CST8: variants seen among roughly 807,000 people sequenced by gnomAD.
CST8 encodes the protein cystatin-8.
A neutral mutation model predicts 11.8 loss-of-function variants in CST8; 20 were observed. That is an observed-to-expected ratio of 1.70 (90% CI 1.20 to 2.47). CST8 has a LOEUF of 2.47. CST8 is among the 30% of genes most tolerant of loss of function. The pLI is 0.00. For missense variants in CST8, 196 were observed against 167.2 expected, an observed-to-expected ratio of 1.17 and a Z score of -0.95; for synonymous variants, 77 against 63.1, an observed-to-expected ratio of 1.22 and a Z score of -1.05.
At chr20:23,494,763 G>A (rs1412514879) in intron 3 of CST8, among the ~76,000 whole-genome samples, 1 of 152,142 alleles carries the variant, frequency 6.6e-6, no homozygotes, top group African/African-American at 2.4e-5. Context: ...GATATGTTAG[G>A]CCCTAGAATT....
At chr20:23,500,801 TG>T (rs1167357347), downstream of CST8, among the ~76,000 whole-genome samples, 1 of 146,560 alleles carries the variant, frequency 6.8e-6, no homozygotes, top group African/African-American at 2.5e-5. Flanking sequence ...GGGTGGGCTC[TG>T]GGGGACTCAC....
chr20:23,506,890 C>T, the CST8 span, among the ~76,000 whole-genome samples: 1 of 152,152 alleles, frequency 6.6e-6, no homozygotes, highest in African/African-American at 2.4e-5. Flanking sequence ...CCTCCCCCTG[C>T]CCCGATGTGA....
At chr20:23,492,804 C>A (rs1987927959) in intron 2 of CST8, among the ~76,000 whole-genome samples, 154 bp from the exon 3 acceptor site, 1 of 151,900 alleles carries the variant, frequency 6.6e-6, no homozygotes, top group African/African-American at 2.4e-5. Flanking sequence ...GGGCTCCAGG[C>A]AGTGGGCATC....
chr20:23,501,796 T>C, the CST8 span, among the ~76,000 whole-genome samples: 1 of 152,214 alleles, frequency 6.6e-6, no homozygotes, highest in Non-Finnish European at 1.5e-5. Context: ...AAAATGAACA[T>C]CATGTCCCTG....
chr20:23,500,517 G>A (rs1224359454), downstream of CST8, among the ~76,000 whole-genome samples: 2 of 152,174 alleles, frequency 1.3e-5, no homozygotes, highest in African/African-American at 4.8e-5. Context: ...GGTGGAATGG[G>A]AGGCAAGAGG....
At chr20:23,500,750 G>A (rs1865524354), downstream of CST8, among the ~76,000 whole-genome samples, 1 of 151,150 alleles carries the variant, frequency 6.6e-6, no homozygotes, top group East Asian at 2.0e-4. Context: ...TCTGTGTGGT[G>A]GGGTGGCTGG....
chr20:23,504,392 T>C, the CST8 span, among the ~76,000 whole-genome samples: 2 of 152,170 alleles, frequency 1.3e-5, no homozygotes, highest in Admixed American at 1.3e-4. Flanking sequence ...TTTAAAAGCC[T>C]GCTTGTAGCA....
the CST8 span, among the ~76,000 whole-genome samples, chr20:23,504,121 A>C: frequency 6.6e-6 from 1 of 152,250 alleles, no homozygotes; most frequent in Non-Finnish European, 1.5e-5. Flanking sequence ...CCAGAGGGGC[A>C]TTGAAATGTG....
At position 23,491,800 on chromosome 20, in the gene CST8, G is replaced by A. The variant is rs535770374; in HGVS notation, c.133G>A (p.Val45Met). 36 of 1,614,178 alleles carry A rather than the reference G, an allele frequency of 2.2e-5. No homozygotes were observed. The highest frequency in any genetic ancestry group is 2.6e-5 in the Non-Finnish European group (31 of 1,180,014). Residue 45 changes from valine to methionine, a missense_variant, in exon 2 of 4, where the codon GTG becomes ATG. Coordinates refer to ENST00000246012, the MANE Select transcript of CST8 (RefSeq NM_005492.4). ...ACCCGTCAATGCCTCAAATGCCAAC[G>A]TGAAGCAGTGTCTGTGGTTTGCCAT... ...LKPVNASNAN[V>M]KQCLWFAMQE... is the part of the protein sequence containing the mutation.
At chr20:23,492,923 C>A in intron 2 of CST8, 35 bp from the exon 3 acceptor site, 1 of 1,198,182 alleles carries the variant, frequency 8.3e-7, no homozygotes, top group Non-Finnish European at 1.2e-6. Context: ...AAGTACAACT[C>A]TTTTGAATAA....
chr20:23,506,071 G>C, the CST8 span, among the ~76,000 whole-genome samples: 1 of 151,006 alleles, frequency 6.6e-6, no homozygotes, highest in African/African-American at 2.4e-5. Flanking sequence ...AGTTGTTGCT[G>C]TAAGTAGAAA....
chr20:23,505,307 GCTAA>G, the CST8 span, among the ~76,000 whole-genome samples: 1 of 151,930 alleles, frequency 6.6e-6, no homozygotes, highest in Non-Finnish European at 1.5e-5. Context: ...ACCATGGCCG[GCTAA>G]CTTTTTGTAT....
the CST8 span, among the ~76,000 whole-genome samples, chr20:23,503,296 G>T: frequency 6.6e-6 from 1 of 152,266 alleles, no homozygotes; most frequent in African/African-American, 2.4e-5. Context: ...GAGAGTCTTA[G>T]ACTTTATTAG....
Position 23,491,716 on chromosome 20 carries a change from G to A in CST8, c.49G>A (p.Ala17Thr). The part of the protein sequence containing the change: ...LSLILLTIPL[A>T]LVARKDPKKN... ...CCTGATCCTCCTCACCATTCCCCTG[G>A]CCCTGGTGGCCAGGAAAGACCCAAA... The change falls in exon 2 of 4, where the codon GCC becomes ACC. Residue 17 changes from alanine (A) to threonine (T), a missense_variant. Transcript: ENST00000246012. The A allele has an allele frequency of 6.2e-7, 1 of 1,614,012 alleles. No homozygotes were observed. The highest frequency in any genetic ancestry group is 8.5e-7 in the Non-Finnish European group (1 of 1,179,952).
the CST8 span, among the ~76,000 whole-genome samples, chr20:23,506,111 G>A: frequency 6.6e-6 from 1 of 152,024 alleles, no homozygotes; most frequent in Non-Finnish European, 1.5e-5. Flanking sequence ...GTTTGTACTG[G>A]AGAATGTTGT....
At chr20:23,499,484 C>T (rs2122214476), downstream of CST8, among the ~76,000 whole-genome samples, 1 of 152,312 alleles carries the variant, frequency 6.6e-6, no homozygotes, top group South Asian at 2.1e-4. Context: ...AGAAATGAGC[C>T]CACTGTCACA....
At chr20:23,505,630 G>T in the CST8 span, among the ~76,000 whole-genome samples, 1 of 152,172 alleles carries the variant, frequency 6.6e-6, no homozygotes, top group Non-Finnish European at 1.5e-5. Flanking sequence ...CACATGGTCT[G>T]ATTTGCCCCG....
At chr20:23,494,789 G>A (rs1987993096) in intron 3 of CST8, among the ~76,000 whole-genome samples, 1 of 152,208 alleles carries the variant, frequency 6.6e-6, no homozygotes, top group Non-Finnish European at 1.5e-5. Flanking sequence ...AATTGCTCTT[G>A]ACTTGTTATT....
chr20:23,496,001 G>T lies in CST8; in HGVS notation c.*87G>T, dbSNP rs905276466. ...GCAGGTGGGAGGCTCTTCCCAATGT[G>T]CTTTCTTCATGCATGCCTCTCTGCT... On this transcript the variant is annotated 3_prime_UTR_variant, in exon 4 of 4. Coordinates refer to ENST00000246012, the MANE Select transcript of CST8 (RefSeq NM_005492.4). 16 of 1,039,128 alleles carry T rather than the reference G, an allele frequency of 1.5e-5. No homozygotes were observed. The highest frequency in any genetic ancestry group is 6.5e-5 in the African/African-American group (4 of 61,428). The allele number at this position is 1,039,128 out of a possible 1,614,324, so 64.4% of individuals were successfully genotyped here.
Sources: allele counts gnomAD v4.1 joint callset (sites outside exome capture counted in the v4.1 genomes callset), GRCh38; gene constraint gnomAD v4.1.1; transcripts MANE v1.5; gene names NCBI Gene and HGNC (gene_info 2026-07-23, HGNC 2026-07-21).